The following LRRC37A3 variants were observed in gnomAD, a reference collection of about 807,000 sequenced individuals.
LRRC37A3 encodes leucine rich repeat containing 37 member A3.
In LRRC37A3, 25 loss-of-function variants were observed where a neutral mutation model predicts 106.2. That is an observed-to-expected ratio of 0.24 (90% CI 0.17 to 0.33). LRRC37A3 has a LOEUF of 0.33. Ranked by LOEUF, LRRC37A3 falls within the 10% of genes least tolerant of loss-of-function variation. The pLI is 1.00. For missense variants in LRRC37A3, 712 were observed against 1,644.9 expected (o/e 0.43, Z 9.81); for synonymous variants, 305 against 635.8 (o/e 0.48, Z 7.83).
intron 8 of LRRC37A3, among the ~76,000 whole-genome samples, chr17:64,872,986 G>A (rs1268789672): frequency 6.6e-6 from 1 of 152,182 alleles, no homozygotes; most frequent in Admixed American, 6.5e-5. Flanking sequence ...TCAGTTCCAA[G>A]GATTTAAGTA....
chr17:64,891,307 G>A lies in LRRC37A3; in HGVS notation c.2681+1222C>T, dbSNP rs1377534810. 4.4e-5 allele frequency among the ~76,000 whole-genome samples: 6 copies of A among 136,648 alleles called. No individual in the cohort carries two copies. The East Asian group carries it at 6.5e-4, about 15-fold the overall frequency. The allele number at this position is 136,648 out of a possible 152,430, so 89.6% of individuals were successfully genotyped here. The stretch of plus-strand genomic sequence containing the variant: ...TAAAGATACTAAATTAAATTCATGA[G>A]TAATCAGAAAAATTCACATTTAGAT... On this transcript the variant is annotated intron_variant, in intron 5 of 14. Coordinates refer to ENST00000584306, the MANE Select transcript of LRRC37A3 (RefSeq NM_199340.5).
intron 2 of LRRC37A3, among the ~76,000 whole-genome samples, chr17:64,910,910 G>T (rs1974576106): frequency 6.6e-6 from 1 of 151,034 alleles, no homozygotes; most frequent in Non-Finnish European, 1.5e-5. Flanking sequence ...CCAAAGTGCT[G>T]GGATTACAGG....
chr17:64,864,417 G>C (rs1972989366), intron 10 of LRRC37A3, among the ~76,000 whole-genome samples: 1 of 152,168 alleles, frequency 6.6e-6, no homozygotes, highest in Non-Finnish European at 1.5e-5. Flanking sequence ...TGCAGTGCCT[G>C]ATCTTTGATT....
intron 14 of LRRC37A3, among the ~76,000 whole-genome samples, 185 bp downstream of exon 14, chr17:64,855,655 C>T (rs1164573434): frequency 1.3e-5 from 2 of 151,510 alleles, no homozygotes; most frequent in Non-Finnish European, 2.9e-5. Context: ...TAAAACGTCG[C>T]GAGACTAGTG....
At chr17:64,877,847 C>A (rs1449316196) in intron 8 of LRRC37A3, among the ~76,000 whole-genome samples, 1 of 151,962 alleles carries the variant, frequency 6.6e-6, no homozygotes, top group Admixed American at 6.5e-5. Context: ...CAGAAATAAA[C>A]CCTCACATTT....
intron 13 of LRRC37A3, among the ~76,000 whole-genome samples, chr17:64,856,106 CA>C (rs1972671054): frequency 6.6e-6 from 1 of 152,082 alleles, no homozygotes; most frequent in South Asian, 2.1e-4. Context: ...ACCGCCCCCA[CA>C]CCATACCAGA....
intron 14 of LRRC37A3, 87 bp from the exon 15 acceptor site, chr17:64,854,731 G>A: frequency 6.2e-7 from 1 of 1,612,054 alleles, no homozygotes; most frequent in East Asian, 2.2e-5. Context: ...GATGGGAACT[G>A]TGAGGGCCCC....
chr17:64,858,964 A>AT lies in LRRC37A3; in HGVS notation c.4705-82dup, dbSNP rs996839911. 5 of 999,388 alleles carry AT rather than the reference A, an allele frequency of 5.0e-6. No individual in the cohort carries two copies. In the Admixed American group the frequency reaches 7.3e-5, roughly 15 times the overall value. 61.9% of individuals were successfully genotyped at this position (999,388 alleles called of 1,614,324 possible). ...GTGAGTAGCTTACAGGTTCTTTTTT[A>AT]TTTTTTTGAAAGAGGGTCTCACTCT... is the stretch of plus-strand genomic sequence containing the variant. On this transcript the variant is annotated intron_variant, in intron 12 of 14. Transcript: ENST00000584306.
chr17:64,857,530 G>A (rs2143358814), intron 13 of LRRC37A3, among the ~76,000 whole-genome samples: 1 of 152,200 alleles, frequency 6.6e-6, no homozygotes, highest in Non-Finnish European at 1.5e-5. Flanking sequence ...TCGCTGTGTT[G>A]CCCAGGCTAG....
chr17:64,866,622 A>T (rs1169654517), intron 10 of LRRC37A3, among the ~76,000 whole-genome samples: 3 of 24,532 alleles, frequency 1.2e-4, no homozygotes, highest in African/African-American at 6.6e-4. Flanking sequence ...ATATATATAT[A>T]TATATATTTT....
chr17:64,862,883 AT>A lies in LRRC37A3; in HGVS notation c.3172+16del. ...ATACTTAATGTAACAATTTATCACCATGCAATTTGGACTCACGACAATGTGT... is the reference window on the plus strand; with the variant it reads ...ATACTTAATGTAACAATTTATCACCAGCAATTTGGACTCACGACAATGTGT... On this transcript the variant is annotated intron_variant, in intron 11 of 14. Transcript: ENST00000584306. 1.3e-6 allele frequency: 2 copies of A among 1,599,148 alleles called. No individual in the cohort carries two copies. The highest frequency in any genetic ancestry group is 1.7e-6 in the Non-Finnish European group (2 of 1,179,728).
chr17:64,871,695 CA>C (rs1472857990), intron 8 of LRRC37A3: 1 of 152,094 alleles, frequency 6.6e-6, no homozygotes, highest in African/African-American at 2.4e-5. Flanking sequence ...ACCCAATCAG[CA>C]TAGCATGCTA....
chr17:64,861,244 G>A (rs907083650), intron 11 of LRRC37A3, among the ~76,000 whole-genome samples: 10 of 152,124 alleles, frequency 6.6e-5, no homozygotes, highest in Non-Finnish European at 1.0e-4. Flanking sequence ...GATCCCCAGA[G>A]GCCAATTGCC....
At chr17:64,875,536 C>T (rs935089209) in intron 8 of LRRC37A3, among the ~76,000 whole-genome samples, 28 of 152,216 alleles carry the variant, frequency 1.8e-4, no homozygotes, top group African/African-American at 6.3e-4. Context: ...GGCCTGTAAT[C>T]CCAGCACTTT....
At position 64,859,941 on chromosome 17, in the gene LRRC37A3, A is replaced by G. The variant is rs562116980; in HGVS notation, c.4205T>C (p.Phe1402Ser). The change falls in exon 12 of 15, where the codon TTT becomes TCT. Residue 1402 changes from phenylalanine (F) to serine (S), a missense_variant. Coordinates refer to ENST00000584306, the MANE Select transcript of LRRC37A3 (RefSeq NM_199340.5). ...TARNAFEENV[F>S]MENTNMPEGT... ...TTCTGGCATGTTAGTGTTTTCCATA[A>G]AAACATTTTCTTCAAAGGCATTTCT... The G allele has an allele frequency of 1.1e-4, 176 of 1,613,826 alleles. 3 individuals are homozygous for G. The South Asian group carries it at 1.8e-3, about 17-fold the overall frequency.
chr17:64,917,089 C>T (rs1470607845), intron 2 of LRRC37A3, among the ~76,000 whole-genome samples: 1 of 151,172 alleles, frequency 6.6e-6, no homozygotes. Flanking sequence ...ACTAAATATA[C>T]ACAAAAATTA....
chr17:64,910,637 C>CTTTTTTTTTTTTTTTTT (rs926231139), intron 2 of LRRC37A3, among the ~76,000 whole-genome samples: 2 of 96,478 alleles, frequency 2.1e-5, no homozygotes, highest in Non-Finnish European at 1.9e-5. Flanking sequence ...ATTGTCCCCC[C>CTTTTTTTTTTTTTTTTT]TTTTTTTTTT....
chr17:64,878,553 T>C (rs1312171020), intron 8 of LRRC37A3, among the ~76,000 whole-genome samples: 1 of 152,216 alleles, frequency 6.6e-6, no homozygotes, highest in Non-Finnish European at 1.5e-5. Context: ...AAAAAAGATA[T>C]ATAAATGGCT....
chr17:64,875,262 G>A (rs1292120995), intron 8 of LRRC37A3, among the ~76,000 whole-genome samples: 1 of 152,140 alleles, frequency 6.6e-6, no homozygotes, highest in Non-Finnish European at 1.5e-5. Context: ...CTGGGTAACA[G>A]AGCAAGACCC....
Sources: allele counts gnomAD v4.1 joint callset (sites outside exome capture counted in the v4.1 genomes callset), GRCh38; gene constraint gnomAD v4.1.1; transcripts MANE v1.5; gene names NCBI Gene and HGNC (gene_info 2026-07-23, HGNC 2026-07-21).